The following WWOX variants were observed in gnomAD, a reference collection of about 807,000 sequenced individuals.
WWOX encodes the protein WW domain-containing oxidoreductase.
Under a neutral mutation model 46.2 loss-of-function variants are expected in WWOX, and 69 were observed. That is an observed-to-expected ratio of 1.49 (90% CI 1.23 to 1.82). The LOEUF is 1.82. WWOX is among the 40% of genes most tolerant of loss of function. The pLI, the probability that WWOX is intolerant of heterozygous loss-of-function variation, is 0.00. For missense variants in WWOX, 919 were observed against 542.6 expected (o/e 1.69, Z -6.89); for synonymous variants, 359 against 202.6 (o/e 1.77, Z -6.56).
intron 8 of WWOX, among the ~76,000 whole-genome samples, chr16:78,991,883 T>C (rs923484344): frequency 6.6e-6 from 1 of 152,286 alleles, no homozygotes; most frequent in Admixed American, 6.5e-5. Flanking sequence ...GGTCTTGCGA[T>C]CACCTCCATA....
intron 5 of WWOX, among the ~76,000 whole-genome samples, chr16:78,280,000 A>G (rs1172032148): frequency 6.6e-6 from 1 of 152,246 alleles, no homozygotes; most frequent in Non-Finnish European, 1.5e-5. Flanking sequence ...CCTCTTTCTG[A>G]TCCTCTGCAA....
At chr16:78,553,259 C>G (rs1157679389) in intron 8 of WWOX, 1 of 152,266 alleles carries the variant, frequency 6.6e-6, no homozygotes, top group Non-Finnish European at 1.5e-5. Flanking sequence ...CCTGCACATC[C>G]TGCACATGTA....
intron 6 of WWOX, among the ~76,000 whole-genome samples, chr16:78,407,391 C>G (rs1189131975): frequency 6.6e-6 from 1 of 152,300 alleles, no homozygotes; most frequent in South Asian, 2.1e-4. Context: ...TCAGCTCATT[C>G]CTTTGCTGTG....
intron 8 of WWOX, among the ~76,000 whole-genome samples, chr16:78,600,864 C>G (rs1263337961): frequency 6.6e-6 from 1 of 152,134 alleles, no homozygotes; most frequent in Non-Finnish European, 1.5e-5. Context: ...GCCTAGAATC[C>G]TCTGCCTATC....
At chr16:78,268,316 A>T (rs946009764) in intron 5 of WWOX, among the ~76,000 whole-genome samples, 1 of 152,174 alleles carries the variant, frequency 6.6e-6, no homozygotes, top group African/African-American at 2.4e-5. Flanking sequence ...GAATTCCTTA[A>T]TAATCAGATC....
intron 8 of WWOX, among the ~76,000 whole-genome samples, chr16:78,684,753 A>G (rs1038914777): frequency 2.6e-5 from 4 of 152,086 alleles, no homozygotes; most frequent in Admixed American, 1.3e-4. Flanking sequence ...ATCATACTGA[A>G]CTATGGAAGC....
At chr16:78,767,033 A>C (rs1257393007) in intron 8 of WWOX, among the ~76,000 whole-genome samples, 1 of 151,828 alleles carries the variant, frequency 6.6e-6, no homozygotes, top group African/African-American at 2.4e-5. Context: ...AGCATATATC[A>C]AAATTTCTTT....
At chr16:78,721,641 C>T (rs919651189) in intron 8 of WWOX, among the ~76,000 whole-genome samples, 2 of 152,136 alleles carry the variant, frequency 1.3e-5, no homozygotes, top group East Asian at 1.9e-4. Flanking sequence ...TTGATTCCTC[C>T]GTCACTGGCT....
intron 5 of WWOX, among the ~76,000 whole-genome samples, chr16:78,191,187 C>A (rs1031332763): frequency 6.6e-6 from 1 of 152,158 alleles, no homozygotes; most frequent in Admixed American, 6.5e-5. Context: ...CCAAGCCCGC[C>A]AGCCACACAC....
intron 8 of WWOX, among the ~76,000 whole-genome samples, chr16:78,936,772 A>AG (rs1469062526): frequency 6.6e-6 from 1 of 152,118 alleles, no homozygotes; most frequent in Non-Finnish European, 1.5e-5. Flanking sequence ...AGTAAAAAAA[A>AG]AGTCAGTGCT....
chr16:78,505,380 C>G (rs184215598), intron 8 of WWOX, among the ~76,000 whole-genome samples: 7 of 152,308 alleles, frequency 4.6e-5, no homozygotes, highest in African/African-American at 1.4e-4. Context: ...TCGGGTCCAC[C>G]AGGCCCTCTG....
intron 8 of WWOX, among the ~76,000 whole-genome samples, chr16:78,956,448 C>G (rs2046168509): frequency 6.6e-6 from 1 of 152,182 alleles, no homozygotes; most frequent in African/African-American, 2.4e-5. Flanking sequence ...AGCCACCACT[C>G]TAGGCCTGTA....
chr16:79,210,102 A>T (rs1304933592), intron 8 of WWOX, among the ~76,000 whole-genome samples: 4 of 152,204 alleles, frequency 2.6e-5, no homozygotes, highest in Admixed American at 2.6e-4. Flanking sequence ...GCCAGTTATT[A>T]TCAAAACCCA....
chr16:78,871,266 C>T (rs974975676), intron 8 of WWOX, among the ~76,000 whole-genome samples: 25 of 151,732 alleles, frequency 1.6e-4, no homozygotes, highest in Middle Eastern at 3.4e-3. Context: ...CCCATGGCTT[C>T]GTCCTTATTC....
intron 8 of WWOX, among the ~76,000 whole-genome samples, chr16:78,486,215 C>T (rs746791112): frequency 6.6e-6 from 1 of 152,066 alleles, no homozygotes; most frequent in Non-Finnish European, 1.5e-5. Context: ...CACACCTTGG[C>T]TGATTTCAAG....
At chr16:78,516,132 TC>T (rs2043230940) in intron 8 of WWOX, among the ~76,000 whole-genome samples, 1 of 152,164 alleles carries the variant, frequency 6.6e-6, no homozygotes, top group Non-Finnish European at 1.5e-5. Context: ...CGTGCCCCTT[TC>T]TTTCCGCAGT....
intron 8 of WWOX, among the ~76,000 whole-genome samples, chr16:78,645,663 C>G (rs574798575): frequency 6.6e-6 from 1 of 152,148 alleles, no homozygotes; most frequent in South Asian, 2.1e-4. Context: ...TCTCTGGGAA[C>G]AAATAGAGGG....
intron 8 of WWOX, among the ~76,000 whole-genome samples, chr16:78,838,853 A>C (rs561690129): frequency 1.3e-5 from 2 of 152,272 alleles, no homozygotes; most frequent in African/African-American, 4.8e-5. Flanking sequence ...AAAAGAGAAG[A>C]AAAGAGAAGA....
intron 8 of WWOX, among the ~76,000 whole-genome samples, chr16:78,557,689 ATTTTTTTT>A (rs34068363): frequency 1.0e-5 from 1 of 96,648 alleles, no homozygotes; most frequent in Non-Finnish European, 1.9e-5. Context: ...CTAGGGAAGG[ATTTTTTTT>A]TTTTTTTTTT....
Sources: gnomAD v4.1 joint callset for allele counts (sites outside exome capture counted in the v4.1 genomes callset) on GRCh38, gnomAD v4.1.1 for gene constraint, MANE v1.5 for transcripts, NCBI Gene and HGNC (gene_info 2026-07-23, HGNC 2026-07-21) for gene names.